The following BCAT1 variants were observed in gnomAD, a reference collection of about 807,000 sequenced individuals.
The protein encoded by BCAT1 is branched-chain-amino-acid aminotransferase, cytosolic.
In BCAT1, 48 loss-of-function variants were observed where a neutral mutation model predicts 52.4. That is an observed-to-expected ratio of 0.92 (90% confidence interval 0.73 to 1.16). BCAT1 has a LOEUF of 1.16. Among genes scored for constraint, BCAT1 ranks in the 50% most tolerant of loss-of-function variants. The probability of loss-of-function intolerance (pLI) is 0.00; values close to 1 mark genes in which losing one functional copy is unlikely to be tolerated. For synonymous variants in BCAT1, 167 were observed against 161.3 expected (o/e 1.04, Z -0.27); for missense variants, 451 against 457.1 (o/e 0.99, Z 0.12).
At chr12:24,884,263 C>A (rs1489205873) in intron 3 of BCAT1, among the ~76,000 whole-genome samples, 4 of 152,128 alleles carry the variant, frequency 2.6e-5, no homozygotes, top group African/African-American at 9.7e-5. Context: ...ACAAATACTG[C>A]ACGATTTCAC....
At chr12:24,885,946 GAA>G (rs562125581) in intron 3 of BCAT1, among the ~76,000 whole-genome samples, 350 of 152,258 alleles carry the variant, frequency 2.3e-3, no homozygotes, top group African/African-American at 8.0e-3. Context: ...ATAAGGGCAG[GAA>G]AAGAGTCTTT....
intron 8 of BCAT1, chr12:24,834,052 A>C: frequency 1.5e-6 from 1 of 677,340 alleles, no homozygotes; most frequent in Non-Finnish European, 1.8e-6. Context: ...GGCTGGGCTC[A>C]TGTGATCCTC....
chr12:24,878,102 C>T (rs1942395788), intron 5 of BCAT1, among the ~76,000 whole-genome samples: 2 of 149,808 alleles, frequency 1.3e-5, no homozygotes, highest in Admixed American at 6.7e-5. Context: ...TGCAGTCAGC[C>T]GTGATTGCAT....
At position 24,903,062 on chromosome 12, in the gene BCAT1, C is replaced by T. The variant is rs1019047231; in HGVS notation, c.7-1177G>A. On this transcript the variant is annotated intron_variant, in intron 1 of 10. Coordinates refer to ENST00000261192, the MANE Select transcript of BCAT1 (RefSeq NM_005504.7). ...GCGCGCGGCTGGAAGCGAAAGCAGG[C>T]GGTGTGGCCAAGCCCCGGCGCACGG... 2.9e-6 allele frequency: 4 copies of T among 1,391,898 alleles called. No individual in the cohort carries two copies. The South Asian group carries it at 6.3e-5, about 22-fold the overall frequency. The allele number at this position is 1,391,898 out of a possible 1,614,324, so 86.2% of individuals were successfully genotyped here.
At chr12:24,840,061 C>A (rs1941129919) in intron 7 of BCAT1, among the ~76,000 whole-genome samples, 1 of 152,112 alleles carries the variant, frequency 6.6e-6, no homozygotes, top group South Asian at 2.1e-4. Flanking sequence ...AACTAACAGT[C>A]TTAAGGTCTT....
At chr12:24,844,524 A>G (rs1214296169) in intron 6 of BCAT1, among the ~76,000 whole-genome samples, 1 of 152,212 alleles carries the variant, frequency 6.6e-6, no homozygotes, top group Non-Finnish European at 1.5e-5. Context: ...ATATTCCAGT[A>G]AGCTGTGGAA....
rs1014416725 is a variant in BCAT1, at chr12:24,818,149, G to A, written c.1120-100C>T. On this transcript the variant is annotated intron_variant, in intron 10 of 10. Transcript: ENST00000261192. The stretch of plus-strand genomic sequence containing the variant: ...ACCGCCAAGGTTACACAAAAGGTTC[G>A]CTTCTGCTTTGAACAACATTTTCAC... 34 of 1,194,850 alleles carry A rather than the reference G, an allele frequency of 2.8e-5. No homozygotes were observed. In the Admixed American group the frequency reaches 2.9e-4, roughly 10 times the overall value. The allele number at this position is 1,194,850 out of a possible 1,614,324, so 74.0% of individuals were successfully genotyped here.
intron 2 of BCAT1, among the ~76,000 whole-genome samples, chr12:24,896,367 T>C (rs1752499638): frequency 6.6e-6 from 1 of 152,238 alleles, no homozygotes; most frequent in South Asian, 2.1e-4. Flanking sequence ...TAAAATGTTA[T>C]TGGAACATAG....
At chr12:24,818,092 CAG>C in intron 10 of BCAT1, 43 bp from the exon 11 acceptor site, 3 of 1,602,750 alleles carry the variant, frequency 1.9e-6, no homozygotes, top group Non-Finnish European at 2.6e-6. Context: ...CAGAAGCTAA[CAG>C]GGCAGAAATA....
At chr12:24,879,671 T>C (rs1477244002) in intron 4 of BCAT1, among the ~76,000 whole-genome samples, 2 of 152,202 alleles carry the variant, frequency 1.3e-5, no homozygotes, top group African/African-American at 2.4e-5. Context: ...AGAGACAGAA[T>C]TCAGTGAGAA....
chr12:24,906,348 C>A (rs1943225064), intron 1 of BCAT1, among the ~76,000 whole-genome samples: 1 of 152,008 alleles, frequency 6.6e-6, no homozygotes, highest in Non-Finnish European at 1.5e-5. Context: ...GAGGAGGAGT[C>A]TGGTTTGGGA....
At chr12:24,819,446 C>T (rs1445480025) in intron 10 of BCAT1, among the ~76,000 whole-genome samples, 2 of 152,146 alleles carry the variant, frequency 1.3e-5, no homozygotes, top group Non-Finnish European at 2.9e-5. Context: ...TACTTCTTTA[C>T]TTCAGAACAA....
chr12:24,879,617 G>A (rs1035578921), intron 4 of BCAT1, among the ~76,000 whole-genome samples: 1 of 152,126 alleles, frequency 6.6e-6, no homozygotes, highest in Non-Finnish European at 1.5e-5. Flanking sequence ...CAATCATATA[G>A]GTGAACCCTG....
At chr12:24,921,986 CACACAT>C (rs1319516613) in intron 1 of BCAT1, among the ~76,000 whole-genome samples, 1 of 152,110 alleles carries the variant, frequency 6.6e-6, no homozygotes, top group Non-Finnish European at 1.5e-5. Flanking sequence ...TGCACACATA[CACACAT>C]ACACACACAC....
At chr12:24,832,160 C>T (rs543622491) in intron 9 of BCAT1, among the ~76,000 whole-genome samples, 9 of 152,220 alleles carry the variant, frequency 5.9e-5, no homozygotes, top group African/African-American at 2.2e-4. Flanking sequence ...ATGTAACTAC[C>T]TATAGAGCCT....
chr12:24,856,483 A>C (rs1941686801), intron 5 of BCAT1, among the ~76,000 whole-genome samples: 1 of 152,182 alleles, frequency 6.6e-6, no homozygotes, highest in Non-Finnish European at 1.5e-5. Flanking sequence ...ACTTAAATGA[A>C]GACATGAAAG....
At chr12:24,829,019 GTAAATAAATAAA>G (rs113337097) in intron 10 of BCAT1, among the ~76,000 whole-genome samples, 4,712 of 150,974 alleles carry the variant, frequency 0.031, 110 homozygotes, top group Non-Finnish European at 0.051. Context: ...AAATAAATAA[GTAAATAAATAAA>G]TAAATAAATA....
chr12:24,826,222 C>T (rs1399574083), intron 10 of BCAT1, among the ~76,000 whole-genome samples: 1 of 152,096 alleles, frequency 6.6e-6, no homozygotes, highest in African/African-American at 2.4e-5. Flanking sequence ...AGACCAATGT[C>T]CTGAAGCATT....
intron 1 of BCAT1, among the ~76,000 whole-genome samples, chr12:24,932,616 C>T (rs1456789180): frequency 6.6e-6 from 1 of 152,028 alleles, no homozygotes; most frequent in African/African-American, 2.4e-5. Context: ...CAGACCAGAC[C>T]CTGTTATAAG....
Sources: allele counts gnomAD v4.1 joint callset (sites outside exome capture counted in the v4.1 genomes callset), GRCh38; gene constraint gnomAD v4.1.1; transcripts MANE v1.5; gene names NCBI Gene and HGNC (gene_info 2026-07-23, HGNC 2026-07-21).